Variants in FRMD6 observed in about 807,000 individuals in gnomAD.
FRMD6 encodes the protein FERM domain containing 6.
Under a neutral mutation model 73.2 loss-of-function variants are expected in FRMD6, and 37 were observed. That is an observed-to-expected ratio of 0.51 (90% CI 0.39 to 0.66). FRMD6 has a LOEUF of 0.66. Ranked by LOEUF, FRMD6 falls within the 30% of genes least tolerant of loss-of-function variation. The pLI, the probability that FRMD6 is intolerant of heterozygous loss-of-function variation, is 0.00. For synonymous variants in FRMD6, 273 were observed against 282.2 expected, an observed-to-expected ratio of 0.97 and a Z score of 0.33; for missense variants, 714 against 780.5, an observed-to-expected ratio of 0.91 and a Z score of 1.02.
At chr14:51,648,421 G>A (rs1346066616), upstream of FRMD6, among the ~76,000 whole-genome samples, 2 of 152,046 alleles carry the variant, frequency 1.3e-5, no homozygotes, top group Admixed American at 1.3e-4. Context: ...AATAACCTGG[G>A]GATATTTAAA....
upstream of FRMD6, among the ~76,000 whole-genome samples, chr14:51,485,642 T>C (rs1005074475): frequency 2.7e-5 from 4 of 148,906 alleles, no homozygotes; most frequent in African/African-American, 9.7e-5. Context: ...ATTTGAAATT[T>C]CTGCATTTCT....
In FRMD6 at chr14:51,549,660, C is replaced by CGA. The variant is rs1566807596; in HGVS notation, c.-209-20688_-209-20687insGA. ...GCCCGGGCTGGAGTGCAGTGGCGCA[C>CGA]TCTCAGCTCACTGCAGGCTCCGCCC... On this transcript the variant is annotated intron_variant, in intron 1 of 14. Coordinates refer to the FRMD6 transcript ENST00000356218. Among the ~76,000 whole-genome samples the CGA allele has an allele frequency of 2.3e-4, 30 of 132,610 alleles. No homozygotes were observed. The East Asian group carries it at 4.2e-3, about 19-fold the overall frequency. 87.0% of individuals were successfully genotyped at this position (132,610 alleles called of 152,430 possible). A position where few individuals can be genotyped will look rare whatever the true frequency, so the allele number is the denominator to read the frequency against.
upstream of FRMD6, among the ~76,000 whole-genome samples, chr14:51,488,730 T>G (rs1596484235): frequency 6.6e-6 from 1 of 152,394 alleles, no homozygotes; most frequent in East Asian, 1.9e-4. Flanking sequence ...ATAGTAATCC[T>G]TGCTACTCCT....
intron 1 of FRMD6, among the ~76,000 whole-genome samples, chr14:51,539,192 A>T (rs189801784): frequency 1.2e-4 from 18 of 152,050 alleles, no homozygotes; most frequent in African/African-American, 4.1e-4. Context: ...GCCTTTGCAC[A>T]TGCTGTTTTC....
chr14:51,699,364 A>G (rs547344238), intron 3 of FRMD6, among the ~76,000 whole-genome samples: 1 of 152,228 alleles, frequency 6.6e-6, no homozygotes, highest in African/African-American at 2.4e-5. Context: ...GAGGCTCTAT[A>G]GATTCTAAGT....
At chr14:51,719,649 A>G (rs1025345136) in intron 10 of FRMD6, among the ~76,000 whole-genome samples, 1 of 152,232 alleles carries the variant, frequency 6.6e-6, no homozygotes, top group Non-Finnish European at 1.5e-5. Flanking sequence ...TTAATATGCT[A>G]TGGATACTTT....
chr14:51,447,451 G>C, the FRMD6 span, among the ~76,000 whole-genome samples: 8 of 152,124 alleles, frequency 5.3e-5, no homozygotes, highest in Admixed American at 5.2e-4. Flanking sequence ...GTACTTATGG[G>C]ATGCAGTTAT....
chr14:51,584,219 T>TAAGCCTA (rs1404202117), intron 2 of FRMD6: 1 of 152,320 alleles, frequency 6.6e-6, no homozygotes, highest in African/African-American at 2.4e-5. Flanking sequence ...ATTTAAGCTT[T>TAAGCCTA]AAGCCTATTT....
intron 1 of FRMD6, among the ~76,000 whole-genome samples, chr14:51,542,037 T>C (rs1054112683): frequency 3.3e-5 from 5 of 152,088 alleles, no homozygotes; most frequent in South Asian, 2.1e-4. Context: ...ATCACGTTAC[T>C]GTGGTACTTA....
intron 2 of FRMD6, among the ~76,000 whole-genome samples, chr14:51,612,578 A>G (rs1034480745): frequency 6.6e-6 from 1 of 152,206 alleles, no homozygotes; most frequent in African/African-American, 2.4e-5. Flanking sequence ...AGAAATGCCT[A>G]CTTCAAAGGT....
intron 9 of FRMD6, 58 bp from the exon 10 acceptor site, chr14:51,715,262 AAGGGG>A: frequency 7.7e-7 from 1 of 1,290,782 alleles, no homozygotes; most frequent in South Asian, 1.8e-5. Flanking sequence ...ATAGGAAACA[AAGGGG>A]ACTTTGGCAA....
the FRMD6 span, among the ~76,000 whole-genome samples, chr14:51,413,778 G>T: frequency 6.6e-6 from 1 of 152,216 alleles, no homozygotes; most frequent in Admixed American, 6.5e-5. Context: ...CCTACCAACA[G>T]TGTTAAAACA....
At chr14:51,545,691 A>C (rs2139398625) in intron 1 of FRMD6, among the ~76,000 whole-genome samples, 1 of 152,286 alleles carries the variant, frequency 6.6e-6, no homozygotes, top group South Asian at 2.1e-4. Context: ...CCCCATAGAC[A>C]AAGCATTCAG....
chr14:51,488,202 G>A (rs1000598095), upstream of FRMD6, among the ~76,000 whole-genome samples: 1 of 152,212 alleles, frequency 6.6e-6, no homozygotes, highest in Non-Finnish European at 1.5e-5. Flanking sequence ...GCCCGTCTCT[G>A]AAATTTTCGC....
intron 1 of FRMD6, among the ~76,000 whole-genome samples, chr14:51,555,846 G>A (rs1467524071): frequency 6.6e-6 from 1 of 151,624 alleles, no homozygotes; most frequent in Non-Finnish European, 1.5e-5. Flanking sequence ...GTAGTGATAC[G>A]TTAAAGAAAA....
At chr14:51,570,520 G>A (rs760689933) in intron 2 of FRMD6, 22 of 152,294 alleles carry the variant, frequency 1.4e-4, no homozygotes, top group Admixed American at 3.3e-4. Flanking sequence ...ACTGTAATCT[G>A]GGAAAGGTCA....
chr14:51,508,682 G>A (rs1264043118), intron 1 of FRMD6, among the ~76,000 whole-genome samples: 2 of 152,080 alleles, frequency 1.3e-5, no homozygotes, highest in Admixed American at 6.6e-5. Context: ...AATTTACTGC[G>A]GCCCATCCTG....
At chr14:51,541,945 G>A (rs1027193418) in intron 1 of FRMD6, among the ~76,000 whole-genome samples, 1 of 151,910 alleles carries the variant, frequency 6.6e-6, no homozygotes, top group African/African-American at 2.4e-5. Context: ...TATGGTATAA[G>A]GTTTTTATCA....
At chr14:51,690,047 T>A (rs976921250) in intron 2 of FRMD6, 112 bp downstream of exon 2, 5 of 753,604 alleles carry the variant, frequency 6.6e-6, no homozygotes, top group African/African-American at 5.2e-5. Flanking sequence ...GCAGTAATCA[T>A]GTGGCAGAAT....
Sources: gnomAD v4.1 joint callset for allele counts (sites outside exome capture counted in the v4.1 genomes callset) on GRCh38, gnomAD v4.1.1 for gene constraint, MANE v1.5 for transcripts, NCBI Gene and HGNC (gene_info 2026-07-23, HGNC 2026-07-21) for gene names.